LRFN2: variants seen among roughly 807,000 people sequenced by gnomAD.
LRFN2 encodes leucine rich repeat and fibronectin type III domain containing 2, also known as leucine-rich repeat and fibronectin type-III domain-containing protein 2.
LRFN2 carries 18 observed loss-of-function variants against 37.3 expected under a neutral mutation model. The ratio of observed to expected loss-of-function variants is 0.48; its 90% CI spans 0.33 to 0.72. The LOEUF is 0.72. Ranked by LOEUF, LRFN2 falls within the 30% of genes least tolerant of loss-of-function variation. LRFN2 has a pLI of 0.02. For missense variants in LRFN2, 1,006 were observed against 1,060.7 expected, an observed-to-expected ratio of 0.95 and a Z score of 0.72; for synonymous variants, 556 against 466.6, an observed-to-expected ratio of 1.19 and a Z score of -2.47.
intron 1 of LRFN2, among the ~76,000 whole-genome samples, chr6:40,453,774 A>G (rs1191811139): frequency 1.3e-5 from 2 of 152,190 alleles, no homozygotes; most frequent in African/African-American, 4.8e-5. Flanking sequence ...TTTGTGCCCA[A>G]GGATCAGTAA....
intron 1 of LRFN2, among the ~76,000 whole-genome samples, chr6:40,442,715 A>C (rs1297481203): frequency 2.6e-5 from 4 of 152,140 alleles, no homozygotes; most frequent in Admixed American, 6.5e-5. Flanking sequence ...GATAAGCCCA[A>C]ATTTCTGCCT....
chr6:40,476,961 A>G (rs918906735), intron 1 of LRFN2, among the ~76,000 whole-genome samples: 1 of 152,238 alleles, frequency 6.6e-6, no homozygotes, highest in African/African-American at 2.4e-5. Context: ...TAGCTTAGGC[A>G]TCTAGTTCCC....
chr6:40,480,209 G>A (rs1049938666), intron 1 of LRFN2, among the ~76,000 whole-genome samples: 1 of 152,230 alleles, frequency 6.6e-6, no homozygotes, highest in African/African-American at 2.4e-5. Flanking sequence ...TACATGGCTA[G>A]ATATTGATGA....
intron 1 of LRFN2, among the ~76,000 whole-genome samples, chr6:40,450,957 T>C (rs1391807584): frequency 6.6e-6 from 1 of 152,208 alleles, no homozygotes; most frequent in Non-Finnish European, 1.5e-5. Context: ...TATTTAGACA[T>C]GCACAGATGT....
chr6:40,399,088 G>A (rs1762674295), intron 2 of LRFN2, among the ~76,000 whole-genome samples: 1 of 151,880 alleles, frequency 6.6e-6, no homozygotes, highest in Non-Finnish European at 1.5e-5. Context: ...CCGGAAGAGG[G>A]GAGAAGCCAG....
intron 1 of LRFN2, among the ~76,000 whole-genome samples, chr6:40,562,827 GCAC>G (rs1211048094): frequency 2.0e-5 from 3 of 147,994 alleles, no homozygotes; most frequent in African/African-American, 7.6e-5. Flanking sequence ...TTATGTGCGT[GCAC>G]TCACTCACAC....
chr6:40,583,662 C>A (rs936675009), intron 1 of LRFN2, among the ~76,000 whole-genome samples: 1 of 152,276 alleles, frequency 6.6e-6, no homozygotes, highest in Non-Finnish European at 1.5e-5. Flanking sequence ...GGGGGATGAC[C>A]ATTAGCATCC....
intron 1 of LRFN2, among the ~76,000 whole-genome samples, chr6:40,575,471 C>A (rs1767261422): frequency 6.6e-6 from 1 of 152,182 alleles, no homozygotes; most frequent in African/African-American, 2.4e-5. Flanking sequence ...CTCCCACCAG[C>A]CTTACTCTGC....
intron 1 of LRFN2, among the ~76,000 whole-genome samples, chr6:40,504,500 G>A (rs927983033): frequency 6.6e-6 from 1 of 152,144 alleles, no homozygotes; most frequent in Non-Finnish European, 1.5e-5. Context: ...AATCAGGATG[G>A]TCATGACTCA....
intron 2 of LRFN2, 151 bp from the exon 3 acceptor site, chr6:40,393,063 G>A: frequency 2.9e-6 from 2 of 695,392 alleles, no homozygotes; most frequent in Non-Finnish European, 4.7e-6. Flanking sequence ...AGAGAATGGG[G>A]CAGAGGGAAA....
chr6:40,463,135 G>T (rs1764381251), intron 1 of LRFN2, among the ~76,000 whole-genome samples: 1 of 152,184 alleles, frequency 6.6e-6, no homozygotes, highest in Non-Finnish European at 1.5e-5. Context: ...GACATGCAGG[G>T]TAATAAGGTG....
intron 1 of LRFN2, among the ~76,000 whole-genome samples, chr6:40,506,767 A>G (rs188090330): frequency 4.1e-4 from 63 of 152,306 alleles, no homozygotes; most frequent in African/African-American, 1.3e-3. Context: ...GGAGCCCAGG[A>G]TAGGGACGGT....
chr6:40,434,746 G>A (rs1763603695), intron 1 of LRFN2, among the ~76,000 whole-genome samples: 1 of 151,624 alleles, frequency 6.6e-6, no homozygotes, highest in Non-Finnish European at 1.5e-5. Flanking sequence ...CCAAAGTGCT[G>A]GGATTACAAG....
At chr6:40,400,797 A>G (rs573830781) in intron 2 of LRFN2, among the ~76,000 whole-genome samples, 2 of 151,736 alleles carry the variant, frequency 1.3e-5, no homozygotes, top group East Asian at 3.9e-4. Context: ...GCATATACAT[A>G]TGTGTTTGGG....
At chr6:40,497,776 G>C (rs1406114243) in intron 1 of LRFN2, among the ~76,000 whole-genome samples, 1 of 152,122 alleles carries the variant, frequency 6.6e-6, no homozygotes, top group Admixed American at 6.5e-5. Flanking sequence ...CAGGATTGAT[G>C]CATGGCCTTT....
chr6:40,472,942 C>T lies in LRFN2; in HGVS notation c.-18-39811G>A, dbSNP rs1008283500. Among the ~76,000 whole-genome samples, 5 of 152,136 alleles carry T rather than the reference C, an allele frequency of 3.3e-5. No individual in the cohort carries two copies. The South Asian group carries it at 6.2e-4, about 19-fold the overall frequency. The stretch of plus-strand genomic sequence containing the variant: ...ACCCTTCATTCACTCGGGGCTGCAT[C>T]CGTCAGGAGCTCCTGAACCACCTGT... On this transcript the variant is annotated intron_variant, in intron 1 of 2. Transcript: ENST00000338305.
At chr6:40,438,758 G>A (rs922278954) in intron 1 of LRFN2, among the ~76,000 whole-genome samples, 11 of 152,240 alleles carry the variant, frequency 7.2e-5, no homozygotes, top group African/African-American at 1.2e-4. Context: ...TGGCATTCTC[G>A]GAAGTAGAGA....
At position 40,391,925 on chromosome 6, in the gene LRFN2, G is replaced by A. The variant is rs200508184; in HGVS notation, c.*18C>T. 7.1e-5 allele frequency: 109 copies of A among 1,525,534 alleles called. No individual in the cohort carries two copies. The African/African-American group carries it at 1.4e-3, about 19-fold the overall frequency. 94.5% of individuals were successfully genotyped at this position (1,525,534 alleles called of 1,614,324 possible). On this transcript the variant is annotated 3_prime_UTR_variant, in exon 3 of 3. Coordinates refer to ENST00000338305, the MANE Select transcript of LRFN2 (RefSeq NM_020737.3). ...TCTCCCACCCTGCGCACAGGAAAGG[G>A]AGCATGCCCACCCCCACCTAGACCG...
chr6:40,561,923 G>C (rs1767002415), intron 1 of LRFN2, among the ~76,000 whole-genome samples: 1 of 152,104 alleles, frequency 6.6e-6, no homozygotes, highest in South Asian at 2.1e-4. Flanking sequence ...TGATGACCAG[G>C]AGTCAAGGAG....
Sources: gnomAD v4.1 joint callset for allele counts (sites outside exome capture counted in the v4.1 genomes callset) on GRCh38, gnomAD v4.1.1 for gene constraint, MANE v1.5 for transcripts, NCBI Gene and HGNC (gene_info 2026-07-23, HGNC 2026-07-21) for gene names.